The following TNRC6A variants were observed in gnomAD, a reference collection of about 807,000 sequenced individuals.
TNRC6A encodes the protein trinucleotide repeat-containing gene 6A protein.
TNRC6A carries 44 observed loss-of-function variants against 221.2 expected under a neutral mutation model. The observed-to-expected ratio is 0.20, with a 90% confidence interval of 0.16 to 0.26. The LOEUF is 0.26. Among genes scored for constraint, TNRC6A ranks in the 10% least tolerant of loss-of-function variants. TNRC6A has a pLI of 1.00. For synonymous variants in TNRC6A, 847 were observed against 838.5 expected, an observed-to-expected ratio of 1.01 and a Z score of -0.18; for missense variants, 2,199 against 2,404.4, an observed-to-expected ratio of 0.91 and a Z score of 1.79.
At chr16:24,705,529 G>T (rs374102745) in intron 2 of TNRC6A, among the ~76,000 whole-genome samples, 2 of 151,948 alleles carry the variant, frequency 1.3e-5, no homozygotes, top group Non-Finnish European at 2.9e-5. Context: ...ATGGCGTTTC[G>T]CCATGTTGGC....
intron 2 of TNRC6A, among the ~76,000 whole-genome samples, chr16:24,657,222 G>A (rs1008762349): frequency 4.7e-5 from 7 of 150,026 alleles, no homozygotes; most frequent in Non-Finnish European, 7.4e-5. Flanking sequence ...GGAGACTGAG[G>A]CAGAAGGATT....
At chr16:24,814,409 CTTTTTTT>C (rs1174753134) in intron 18 of TNRC6A, among the ~76,000 whole-genome samples, 8 of 116,782 alleles carry the variant, frequency 6.9e-5, no homozygotes, top group Admixed American at 5.1e-4. Context: ...TTTTTTTTTT[CTTTTTTT>C]TTTTTTTTTT....
chr16:24,810,238 C>T (rs2058515568), intron 18 of TNRC6A, among the ~76,000 whole-genome samples: 1 of 152,120 alleles, frequency 6.6e-6, no homozygotes, highest in South Asian at 2.1e-4. Context: ...TTAGAAATGC[C>T]GTTTTCATCT....
At chr16:24,672,999 AAGATC>A (rs1164109968) in intron 2 of TNRC6A, among the ~76,000 whole-genome samples, 1 of 151,982 alleles carries the variant, frequency 6.6e-6, no homozygotes, top group East Asian at 1.9e-4. Flanking sequence ...CCAGGAGTTC[AAGATC>A]AGCCTGGACA....
At chr16:24,817,513 G>A (rs1188174821) in intron 20 of TNRC6A, among the ~76,000 whole-genome samples, 1 of 152,096 alleles carries the variant, frequency 6.6e-6, no homozygotes, top group Non-Finnish European at 1.5e-5. Flanking sequence ...ACCAATTTAA[G>A]GATCCCTGCA....
rs1012333671 is a variant in TNRC6A at position 24,772,268 on chromosome 16, T to C, written c.164-4665T>C. ...GATGACCAAAATTTAGCCTGACTTA[T>C]TGGTAACAGTGTTATGTTGGTGCTC... On this transcript the variant is annotated intron_variant, in intron 4 of 24. Coordinates refer to ENST00000395799, the MANE Select transcript of TNRC6A (RefSeq NM_014494.4). 5.3e-5 allele frequency among the ~76,000 whole-genome samples: 8 copies of C among 152,250 alleles called. No individual in the cohort carries two copies. In the South Asian group the frequency reaches 8.3e-4, roughly 16 times the overall value.
rs533865015 is a variant in TNRC6A, at chr16:24,648,517, G to A, written n.402+7508G>A. Among the ~76,000 whole-genome samples the A allele has an allele frequency of 9.6e-4, 146 of 152,040 alleles. 1 individual carries two copies. Among genetic ancestry groups the A allele is most frequent in the Non-Finnish European group, 1.3e-3 (91 of 67,978 alleles). ...GATCTCCTGACCTCATGATTCACCC[G>A]CCTTGGCCTCCCAAAGTGCTGGGAT... On this transcript the variant is annotated intron_variant and non_coding_transcript_variant, in intron 2 of 2. Coordinates refer to the TNRC6A transcript ENST00000566108.
intron 2 of TNRC6A, among the ~76,000 whole-genome samples, chr16:24,652,607 C>G (rs1902735166): frequency 1.3e-5 from 2 of 152,142 alleles, no homozygotes; most frequent in Non-Finnish European, 2.9e-5. Flanking sequence ...TAATCACTGT[C>G]CTTTTTCTTT....
chr16:24,814,519 C>T (rs1249435319), intron 18 of TNRC6A, among the ~76,000 whole-genome samples: 1 of 150,624 alleles, frequency 6.6e-6, no homozygotes, highest in African/African-American at 2.5e-5. Flanking sequence ...AGCGATTCTC[C>T]TGCTTCAGCC....
intron 1 of TNRC6A, among the ~76,000 whole-genome samples, chr16:24,622,924 A>G (rs1412333532): frequency 1.3e-5 from 2 of 152,216 alleles, no homozygotes; most frequent in Non-Finnish European, 2.9e-5. Flanking sequence ...TGAATGAGAA[A>G]GACACAGTTG....
At chr16:24,637,408 C>A (rs769412084) in intron 1 of TNRC6A, among the ~76,000 whole-genome samples, 1 of 152,106 alleles carries the variant, frequency 6.6e-6, no homozygotes, top group Admixed American at 6.6e-5. Flanking sequence ...GGATGCCATG[C>A]GGAGGTCACT....
chr16:24,787,608 G>A (rs1475274429), intron 5 of TNRC6A, among the ~76,000 whole-genome samples: 2 of 152,152 alleles, frequency 1.3e-5, no homozygotes, highest in African/African-American at 2.4e-5. Flanking sequence ...CTGAAAGATG[G>A]CAAATCTTCT....
At chr16:24,796,386 A>T (rs2058219838) in intron 9 of TNRC6A, 1 of 156,182 alleles carries the variant, frequency 6.4e-6, no homozygotes, top group Non-Finnish European at 1.4e-5. Flanking sequence ...AAAGAAAGCT[A>T]ATCAGTGATA....
chr16:24,715,605 C>CTT (rs58843836), intron 2 of TNRC6A, among the ~76,000 whole-genome samples: 1,359 of 127,204 alleles, frequency 0.011, 30 homozygotes, highest in African/African-American at 0.033. Context: ...TGAGTAGTTT[C>CTT]TTTTTTTTTT....
In TNRC6A at chr16:24,823,883, A is replaced by G. The variant is rs2058821455; in HGVS notation, c.*76A>G. 1.5e-6 allele frequency: 2 copies of G among 1,351,992 alleles called. No individual in the cohort carries two copies. Among genetic ancestry groups the G allele is most frequent in the African/African-American group, 3.0e-5 (2 of 67,064 alleles). The allele number at this position is 1,351,992 out of a possible 1,614,324, so 83.7% of individuals were successfully genotyped here. A position where few individuals can be genotyped will look rare whatever the true frequency, so the allele number is the denominator to read the frequency against. ...GCACTAAGTGGGGCTCGCCGCCTGC[A>G]GCCAGGGGCCGCCTGTGGGAACAGC... On this transcript the variant is annotated 3_prime_UTR_variant, in exon 25 of 25. Transcript: ENST00000395799. This position sits in a 1 kb window ranked among gnomAD's most constrained non-coding sequence, Gnocchi z 4.3.
At chr16:24,788,798 A>G (rs2058030245) in intron 5 of TNRC6A, among the ~76,000 whole-genome samples, 1 of 151,772 alleles carries the variant, frequency 6.6e-6, no homozygotes, top group Admixed American at 6.6e-5. Context: ...ACAGGCGCCC[A>G]CCACCATGCC....
chr16:24,822,724 C>A, intron 23 of TNRC6A, 150 bp from the exon 24 acceptor site: 2 of 1,119,762 alleles, frequency 1.8e-6, no homozygotes, highest in Non-Finnish European at 1.3e-6. Context: ...CTCTGCACCC[C>A]GTCAGAGCAA....
chr16:24,723,593 A>AG (rs1227521317), intron 2 of TNRC6A, among the ~76,000 whole-genome samples: 1 of 150,272 alleles, frequency 6.7e-6, no homozygotes, highest in Non-Finnish European at 1.5e-5. Flanking sequence ...GACTCTGTCA[A>AG]AAAAAAAAAA....
intron 4 of TNRC6A, among the ~76,000 whole-genome samples, chr16:24,768,604 C>T (rs1345774943): frequency 1.3e-5 from 2 of 152,032 alleles, no homozygotes; most frequent in African/African-American, 4.8e-5. Context: ...TATATAACGA[C>T]ACATATAGAA....
Sources: gnomAD v4.1 joint callset for allele counts (sites outside exome capture counted in the v4.1 genomes callset) on GRCh38, gnomAD v4.1.1 for gene constraint, Gnocchi (gnomAD v3.1) non-coding constraint, MANE v1.5 for transcripts, NCBI Gene and HGNC (gene_info 2026-07-23, HGNC 2026-07-21) for gene names.